Variants in CUL4B observed in about 807,000 individuals in gnomAD.
CUL4B encodes cullin-4B.
A neutral mutation model predicts 69.2 loss-of-function variants in CUL4B; 1 was observed. The ratio of observed to expected loss-of-function variants is 0.01; its 90% confidence interval spans 0.01 to 0.07. The LOEUF (loss-of-function observed/expected upper bound fraction) is 0.07. Among genes scored for constraint, CUL4B ranks in the 10% least tolerant of loss-of-function variants. The pLI is 1.00. For missense variants in CUL4B, 328 were observed against 638.8 expected (o/e 0.51, Z 5.24); for synonymous variants, 237 against 223.2 (o/e 1.06, Z -0.55).
At chrX:120,527,230 G>C (rs980683320) in intron 19 of CUL4B, among the ~76,000 whole-genome samples, 1 of 109,704 alleles carries the variant, frequency 9.1e-6, no homozygotes, top group East Asian at 2.9e-4. Flanking sequence ...GCTAATTTTT[G>C]TATTTTTGGT....
intron 10 of CUL4B, among the ~76,000 whole-genome samples, chrX:120,541,328 C>T (rs1362587140): frequency 2.7e-5 from 3 of 111,396 alleles, no homozygotes; most frequent in African/African-American, 9.8e-5. Context: ...GGTGAAACCC[C>T]GTCTCTACTA....
Position 120,535,732 on chromosome X carries a change from G to C in CUL4B, c.2160+98C>G, listed in dbSNP as rs867069210. The C allele has an allele frequency of 1.7e-3, 560 of 327,827 alleles. 1 individual carries two copies. Among genetic ancestry groups the C allele is most frequent in the Non-Finnish European group, 2.7e-3 (508 of 187,670 alleles). The allele number at this position is 327,827 out of a possible 1,213,427, so 27.0% of individuals were successfully genotyped here. On this transcript the variant is annotated intron_variant, in intron 16 of 19. Coordinates refer to ENST00000371322, the MANE Select transcript of CUL4B (RefSeq NM_001079872.2). ...AAAAAAAAAAAAAAAAAAAAAAGAA[G>C]AAAACAAAAAACAATAGCCTAAACT...
At chrX:120,551,700 CTA>C (rs1419497787) in intron 2 of CUL4B, among the ~76,000 whole-genome samples, 2 of 112,295 alleles carry the variant, frequency 1.8e-5, no homozygotes, top group Admixed American at 9.5e-5. Flanking sequence ...CATCATTACT[CTA>C]TGTGATGCAT....
At chrX:120,543,494 A>AC (rs1924125684) in intron 8 of CUL4B, among the ~76,000 whole-genome samples, 1 of 46,588 alleles carries the variant, frequency 2.1e-5, no homozygotes, top group Non-Finnish European at 3.5e-5. Flanking sequence ...ATTACCTTCT[A>AC]AACACACACA....
chrX:120,557,527 A>T (rs1032999517), intron 2 of CUL4B, among the ~76,000 whole-genome samples: 1 of 111,899 alleles, frequency 8.9e-6, no homozygotes, highest in Middle Eastern at 4.2e-3. Context: ...AGAATAAAGG[A>T]TATGAATAAT....
chrX:120,524,317 T>C lies in CUL4B; in HGVS notation c.*2444A>G, dbSNP rs1450203238. On this transcript the variant is annotated 3_prime_UTR_variant, in exon 20 of 20. Coordinates refer to ENST00000371322, the MANE Select transcript of CUL4B (RefSeq NM_001079872.2). ...AATCTAGACTCATTTCATATTGACT[T>C]TATGAAACAATTTGACACTGAGGAT... is the stretch of plus-strand genomic sequence containing the variant. Among the ~76,000 whole-genome samples the C allele has an allele frequency of 4.5e-5, 5 of 111,766 alleles. No individual in the cohort carries two copies. The highest frequency in any genetic ancestry group is 1.3e-4 in the African/African-American group (4 of 30,811).
At chrX:120,545,107 C>T (rs984769366) in intron 5 of CUL4B, among the ~76,000 whole-genome samples, 4 of 111,806 alleles carry the variant, frequency 3.6e-5, no homozygotes, top group African/African-American at 9.8e-5. Flanking sequence ...ATTCTATTTT[C>T]GTGTATACAT....
chrX:120,560,155 A>C lies in CUL4B; in HGVS notation c.484T>G (p.Ser162Ala), dbSNP rs1246620519. The C allele has an allele frequency of 8.3e-7, 1 of 1,211,955 alleles. No individual in the cohort carries two copies. The highest frequency in any genetic ancestry group is 1.8e-5 in the South Asian group (1 of 57,012). The change falls in exon 1 of 20, where the codon TCT (serine) becomes GCT (alanine). Residue 162 changes from serine (S) to alanine (A), a missense_variant. Physicochemically the swap from Ser to Ala is moderately conservative, Grantham distance 99. This residue lies in a region of CUL4B where 102 missense variants were observed against 122.1 expected (regional missense o/e 0.84). Coordinates refer to ENST00000371322, the MANE Select transcript of CUL4B (RefSeq NM_001079872.2). ...VHHANGLAKS[S>A]TTVSSFANSK... Reference sequence around the variant, plus strand: ...TTAGCAAAGCTAGAGACGGTGGTAGAAGATTTGGCTAGGCCGTTTGCATGA... The same window carrying C: ...TTAGCAAAGCTAGAGACGGTGGTAGCAGATTTGGCTAGGCCGTTTGCATGA...
Position 120,535,804 on chromosome X carries a change from TAA to T in CUL4B, c.2160+24_2160+25del. 3.2e-6 allele frequency: 3 copies of T among 950,217 alleles called. No homozygotes were observed. The South Asian group carries it at 5.8e-5, about 18-fold the overall frequency. The allele number at this position is 950,217 out of a possible 1,213,427, so 78.3% of individuals were successfully genotyped here. Reference sequence around the variant, plus strand: ...AAACATTAAAGATAAAGATGAAAACTAAAAGTTTTGGGAACATCCACTTACCT... The same window carrying T: ...AAACATTAAAGATAAAGATGAAAACTAAGTTTTGGGAACATCCACTTACCT... On this transcript the variant is annotated intron_variant, in intron 16 of 19. Coordinates refer to ENST00000371322, the MANE Select transcript of CUL4B (RefSeq NM_001079872.2).
intron 1 of CUL4B, chrX:120,559,734 A>G (rs1464675450): frequency 1.0e-6 from 1 of 993,326 alleles, no homozygotes; most frequent in Non-Finnish European, 1.3e-6. Flanking sequence ...AAGGCTCGCT[A>G]TGCACCTGAA....
At chrX:120,527,334 AG>A (rs1923037172) in intron 19 of CUL4B, among the ~76,000 whole-genome samples, 1 of 112,001 alleles carries the variant, frequency 8.9e-6, no homozygotes, top group Non-Finnish European at 1.9e-5. Flanking sequence ...CTGGGATTAC[AG>A]GGATGAGCCA....
intron 4 of CUL4B, 129 bp downstream of exon 4, chrX:120,546,413 AAAAAG>A (rs1343274032): frequency 6.5e-5 from 29 of 449,173 alleles, no homozygotes; most frequent in African/African-American, 5.8e-4. Flanking sequence ...AAAAAGAAAA[AAAAAG>A]AAAAGGAATA....
Position 120,530,249 on chromosome X carries a change from T to C in CUL4B, c.2445A>G (p.Glu815=), listed in dbSNP as rs781222196. 1.7e-6 allele frequency: 2 copies of C among 1,209,873 alleles called. No homozygotes were observed. Among genetic ancestry groups the C allele is most frequent in the Non-Finnish European group, 2.2e-6 (2 of 894,345 alleles). Residue 815 remains glutamate (E), a synonymous_variant, in exon 19 of 20, where the codon GAA becomes GAG. Coordinates refer to ENST00000371322, the MANE Select transcript of CUL4B (RefSeq NM_001079872.2). ...INQIQMKETV[E]EQASTTERVF... ...CTCTTTCTGTAGTGCTTGCTTGTTC[T>C]TCAACCTAACAAAAAAGTTTTAAAC...
At chrX:120,554,837 C>T (rs1253890511) in intron 2 of CUL4B, among the ~76,000 whole-genome samples, 1 of 111,641 alleles carries the variant, frequency 9.0e-6, no homozygotes, top group East Asian at 2.8e-4. Context: ...TGAGAGAGTA[C>T]TTCTAATTAC....
downstream of CUL4B, among the ~76,000 whole-genome samples, chrX:120,567,378 C>T (rs1925586307): frequency 9.1e-6 from 1 of 109,825 alleles, no homozygotes; most frequent in Admixed American, 9.7e-5. Context: ...CCGCCCACCT[C>T]GGCCTCCCAA....
chrX:120,575,431 G>C (rs1602598653), exon 1 of CUL4B: 1 of 112,316 alleles, frequency 8.9e-6, no homozygotes, highest in South Asian at 3.7e-4. Context: ...GATCCGTTGT[G>C]TTCTTCTATC....
At chrX:120,546,422 AGG>A in intron 4 of CUL4B, 123 bp downstream of exon 4, 1 of 448,177 alleles carries the variant, frequency 2.2e-6, no homozygotes, top group Non-Finnish European at 3.8e-6. Context: ...AAAAAAGAAA[AGG>A]AATAGATATT....
chrX:120,565,835 C>T (rs190973509), upstream of CUL4B, among the ~76,000 whole-genome samples: 209 of 102,067 alleles, frequency 2.0e-3, no homozygotes, highest in Non-Finnish European at 3.6e-3. Flanking sequence ...ATGCCATTCT[C>T]CTGCCTCAGC....
At chrX:120,565,722 CTT>C (rs757952500), upstream of CUL4B, among the ~76,000 whole-genome samples, 14 of 59,439 alleles carry the variant, frequency 2.4e-4, no homozygotes, top group African/African-American at 4.7e-4. Context: ...AGTCCATTTA[CTT>C]TTTTTTTTTT....
Sources: allele counts gnomAD v4.1 joint callset (sites outside exome capture counted in the v4.1 genomes callset), GRCh38; gene constraint gnomAD v4.1.1; regional missense constraint gnomAD v4.1.1; transcripts MANE v1.5; gene names NCBI Gene and HGNC (gene_info 2026-07-23, HGNC 2026-07-21).